BMP3: variants seen among roughly 807,000 people sequenced by gnomAD.
The protein encoded by BMP3 is bone morphogenetic protein 3, also known as bone morphogenetic protein 3 (osteogenic).
A neutral mutation model predicts 38.1 loss-of-function variants in BMP3; 23 were observed. The observed-to-expected ratio is 0.60, with a 90% CI of 0.43 to 0.86. BMP3 has a LOEUF of 0.86. BMP3 is among the 40% of genes least tolerant of loss of function. BMP3 has a pLI of 0.00. For missense variants in BMP3, 628 were observed against 579.6 expected (o/e 1.08, Z -0.86); for synonymous variants, 258 against 225.7 (o/e 1.14, Z -1.28).
In BMP3 at chr4:81,053,497, A is replaced by G. The variant is rs753193813; in HGVS notation, c.1380A>G (p.Val460=). The G allele has an allele frequency of 6.3e-7, 1 of 1,599,682 alleles. No individual in the cohort carries two copies. The highest frequency in any genetic ancestry group is 8.5e-7 in the Non-Finnish European group (1 of 1,173,798). ...FDENKNVVLK[V]YPNMTVESCA... Reference sequence around the variant, plus strand: ...AAAATAAGAATGTAGTGCTTAAAGTATACCCTAACATGACAGTAGAGTCTT... The same window carrying G: ...AAAATAAGAATGTAGTGCTTAAAGTGTACCCTAACATGACAGTAGAGTCTT... The change falls in exon 3 of 3, where the codon GTA becomes GTG. Residue 460 remains valine, a synonymous_variant. Coordinates refer to ENST00000282701, the MANE Select transcript of BMP3 (RefSeq NM_001201.5).
intron 1 of BMP3, among the ~76,000 whole-genome samples, chr4:81,034,498 A>G (rs1042585633): frequency 1.3e-5 from 2 of 152,166 alleles, no homozygotes; most frequent in African/African-American, 4.8e-5. Flanking sequence ...ATACTTTAGG[A>G]TCATCACTTT....
At chr4:81,033,927 A>G (rs193234222) in intron 1 of BMP3, among the ~76,000 whole-genome samples, 1 of 152,210 alleles carries the variant, frequency 6.6e-6, no homozygotes, top group Non-Finnish European at 1.5e-5. Context: ...TAGAAATTTT[A>G]ATGGAAGATC....
chr4:81,054,357 G>C lies in BMP3; in HGVS notation c.*821G>C, dbSNP rs1740489904. ...ACCAGAAAAAGGAATCAGAAACCTA[G>C]TTTTTGAAAACACAAGTGTAATTCC... On this transcript the variant is annotated 3_prime_UTR_variant, in exon 3 of 3. Coordinates refer to ENST00000282701, the MANE Select transcript of BMP3 (RefSeq NM_001201.5). 1 of 152,414 alleles carries C rather than the reference G, an allele frequency of 6.6e-6. No homozygotes were observed. The highest frequency in any genetic ancestry group is 1.5e-5 in the Non-Finnish European group (1 of 67,994). The allele number at this position is 152,414 out of a possible 1,614,324, so 9.4% of individuals were successfully genotyped here. A position where few individuals can be genotyped will look rare whatever the true frequency, so the allele number is the denominator to read the frequency against.
chr4:81,045,926 A>T lies in BMP3; in HGVS notation c.505A>T (p.Thr169Ser). Residue 169 changes from threonine (T) to serine (S), a missense_variant, in exon 2 of 3, where the codon ACC (threonine) becomes TCC (serine). By Grantham distance (58) the Thr-to-Ser change is moderately conservative. Transcript: ENST00000282701. ...KHIQIDLSAW[T>S]LKFSRNQSQL... is the part of the protein sequence containing the mutation. Reference sequence around the variant, plus strand: ...CATTCAGATTGATCTTTCTGCATGGACCCTCAAATTCAGCAGAAACCAAAG... The same window carrying T: ...CATTCAGATTGATCTTTCTGCATGGTCCCTCAAATTCAGCAGAAACCAAAG... 6.2e-7 allele frequency: 1 copy of T among 1,613,978 alleles called. No individual in the cohort carries two copies. The highest frequency in any genetic ancestry group is 8.5e-7 in the Non-Finnish European group (1 of 1,179,984).
At position 81,045,858 on chromosome 4, in the gene BMP3, GT is replaced by G; in HGVS notation, c.438del (p.Pro147GlnfsTer60). The G allele has an allele frequency of 6.2e-7, 1 of 1,614,094 alleles. No homozygotes were observed. The highest frequency in any genetic ancestry group is 8.5e-7 in the Non-Finnish European group (1 of 1,180,006). ...IGELGNISLS[C>X]PVSGGCSHHA... ...GAGCTAGGAAACATCAGCCTGAGTT[GT>G]CCAGTGTCTGGAGGATGCTCCCATC... On this transcript the variant is annotated frameshift_variant, in exon 2 of 3. Coordinates refer to ENST00000282701, the MANE Select transcript of BMP3 (RefSeq NM_001201.5). LOFTEE classifies it high-confidence loss of function.
chr4:81,051,673 A>G (rs1228044041), intron 2 of BMP3, among the ~76,000 whole-genome samples: 2 of 152,320 alleles, frequency 1.3e-5, no homozygotes, highest in African/African-American at 4.8e-5. Context: ...TACTGATTGT[A>G]GTTTGTGTAA....
chr4:81,049,179 G>A (rs531067107), intron 2 of BMP3, among the ~76,000 whole-genome samples: 8 of 152,096 alleles, frequency 5.3e-5, no homozygotes, highest in African/African-American at 1.4e-4. Flanking sequence ...TATTATTCAC[G>A]GCCATTTCTG....
intron 2 of BMP3, among the ~76,000 whole-genome samples, chr4:81,051,380 A>G (rs923140228): frequency 1.3e-5 from 2 of 152,202 alleles, no homozygotes; most frequent in African/African-American, 4.8e-5. Context: ...CTAGGTGCTC[A>G]GGAACAGCAA....
intron 1 of BMP3, among the ~76,000 whole-genome samples, chr4:81,041,596 C>T (rs1578296074): frequency 1.3e-5 from 2 of 152,160 alleles, no homozygotes; most frequent in Non-Finnish European, 2.9e-5. Flanking sequence ...TTGGCCATTC[C>T]TTGCTCAACT....
In BMP3 at chr4:81,051,959, G is replaced by A. The variant is rs73831276; in HGVS notation, c.1228-1386G>A. Among the ~76,000 whole-genome samples, 1,315 of 151,680 alleles carry A rather than the reference G, an allele frequency of 8.7e-3. 14 individuals carry two copies. Among genetic ancestry groups the A allele is most frequent in the African/African-American group, 0.024 (976 of 41,384 alleles). The stretch of plus-strand genomic sequence containing the variant: ...TTTATTTCATTGATATTAAAAGATG[G>A]GATGAGATTTAACCTTTCTCTGCCA... On this transcript the variant is annotated intron_variant, in intron 2 of 2. Coordinates refer to ENST00000282701, the MANE Select transcript of BMP3 (RefSeq NM_001201.5).
chr4:81,032,650 A>C (rs1560509454), intron 1 of BMP3, among the ~76,000 whole-genome samples: 1 of 152,260 alleles, frequency 6.6e-6, no homozygotes, highest in Non-Finnish European at 1.5e-5. Context: ...GCCATGCCTC[A>C]GTCAATACTG....
rs61729826 is a variant in BMP3, at chr4:81,046,456, G to A, written c.1035G>A (p.Lys345=). ...KKKQRKGPHR[K]SQTLQFDEQT... Reference sequence around the variant, plus strand: ...AACAGAGAAAGGGGCCTCATCGGAAGAGCCAGACGCTCCAATTTGATGAGC... The same window carrying A: ...AACAGAGAAAGGGGCCTCATCGGAAAAGCCAGACGCTCCAATTTGATGAGC... Residue 345 remains lysine (K), a synonymous_variant, in exon 2 of 3, where the codon AAG becomes AAA. Coordinates refer to ENST00000282701, the MANE Select transcript of BMP3 (RefSeq NM_001201.5). 6.2e-7 allele frequency: 1 copy of A among 1,614,052 alleles called. No homozygotes were observed. The highest frequency in any genetic ancestry group is 8.5e-7 in the Non-Finnish European group (1 of 1,179,982).
intron 1 of BMP3, among the ~76,000 whole-genome samples, chr4:81,035,582 G>A (rs1739900941): frequency 6.6e-6 from 1 of 152,042 alleles, no homozygotes; most frequent in Non-Finnish European, 1.5e-5. Flanking sequence ...AAGCATTCAA[G>A]AAAACAAGTC....
intron 2 of BMP3, among the ~76,000 whole-genome samples, chr4:81,051,802 A>T (rs745517743): frequency 3.3e-5 from 5 of 152,168 alleles, no homozygotes; most frequent in Non-Finnish European, 7.4e-5. Context: ...AATTAATTCA[A>T]AGTTAACCAG....
chr4:81,046,779 C>T, intron 2 of BMP3, 131 bp downstream of exon 2: 2 of 982,816 alleles, frequency 2.0e-6, no homozygotes, highest in Non-Finnish European at 3.0e-6. Flanking sequence ...CATTGGGACC[C>T]TTATTTACTA....
At chr4:81,042,304 T>C (rs1172799928) in intron 1 of BMP3, among the ~76,000 whole-genome samples, 1 of 152,218 alleles carries the variant, frequency 6.6e-6, no homozygotes, top group Admixed American at 6.5e-5. Flanking sequence ...ACCACAGTTC[T>C]AGTTAGCTAA....
At chr4:81,051,149 G>A (rs1480740833) in intron 2 of BMP3, among the ~76,000 whole-genome samples, 1 of 152,010 alleles carries the variant, frequency 6.6e-6, no homozygotes, top group Non-Finnish European at 1.5e-5. Flanking sequence ...CATAGTTTCT[G>A]AATCTATCAT....
At chr4:81,045,649 A>G in intron 1 of BMP3, 89 bp from the exon 2 acceptor site, 1 of 1,130,554 alleles carries the variant, frequency 8.8e-7, no homozygotes, top group Non-Finnish European at 1.2e-6. Context: ...TCTTATATAT[A>G]GGTTTCTGAT....
In BMP3 at chr4:81,057,307, T is replaced by C. The variant is rs574517337; in HGVS notation, c.*3771T>C. ...TTCCTATAATAATAATTTTCATCCTTAATTATGATAATACTTTTAGCAAGA... is the reference window on the plus strand; with the variant it reads ...TTCCTATAATAATAATTTTCATCCTCAATTATGATAATACTTTTAGCAAGA... On this transcript the variant is annotated 3_prime_UTR_variant, in exon 3 of 3. Coordinates refer to ENST00000282701, the MANE Select transcript of BMP3 (RefSeq NM_001201.5). 1 of 152,132 alleles carries C rather than the reference T, an allele frequency of 6.6e-6. No individual in the cohort carries two copies. The highest frequency in any genetic ancestry group is 2.4e-5 in the African/African-American group (1 of 41,544). 9.4% of individuals were successfully genotyped at this position (152,132 alleles called of 1,614,324 possible).
Sources: gnomAD v4.1 joint callset for allele counts (sites outside exome capture counted in the v4.1 genomes callset) on GRCh38, gnomAD v4.1.1 for gene constraint, MANE v1.5 for transcripts, NCBI Gene and HGNC (gene_info 2026-07-23, HGNC 2026-07-21) for gene names.